AMPH: variants seen among roughly 807,000 people sequenced by gnomAD.
AMPH encodes the protein amphiphysin (Stiff-Mann syndrome with breast cancer 128kD autoantigen).
AMPH carries 49 observed loss-of-function variants against 99.1 expected under a neutral mutation model. The ratio of observed to expected loss-of-function variants is 0.49; its 90% CI spans 0.39 to 0.63. AMPH has a LOEUF of 0.63. AMPH is among the 20% of genes least tolerant of loss of function. The pLI, the probability that AMPH is intolerant of heterozygous loss-of-function variation, is 0.00. For synonymous variants in AMPH, 314 were observed against 317.3 expected (o/e 0.99, Z 0.11); for missense variants, 759 against 863.4 (o/e 0.88, Z 1.52).
intron 1 of AMPH, among the ~76,000 whole-genome samples, chr7:38,542,563 G>T (rs1390857739): frequency 1.3e-5 from 2 of 152,070 alleles, no homozygotes; most frequent in Non-Finnish European, 2.9e-5. Flanking sequence ...AGCCAGAGAG[G>T]GTTCTACATT....
chr7:38,567,079 C>T (rs1182745214), intron 1 of AMPH, among the ~76,000 whole-genome samples: 1 of 152,200 alleles, frequency 6.6e-6, no homozygotes, highest in African/African-American at 2.4e-5. Flanking sequence ...ACCATAAAGA[C>T]ATATGCACAT....
intron 2 of AMPH, among the ~76,000 whole-genome samples, chr7:38,533,202 A>T (rs920370186): frequency 1.3e-5 from 2 of 152,182 alleles, no homozygotes; most frequent in Non-Finnish European, 2.9e-5. Context: ...CTCCTAGAGG[A>T]GACTAGGAGA....
chr7:38,390,648 T>A (rs1040954902), intron 19 of AMPH, among the ~76,000 whole-genome samples: 8 of 152,148 alleles, frequency 5.3e-5, no homozygotes, highest in Admixed American at 5.2e-4. Flanking sequence ...TGGAAATGGA[T>A]TATGTTATCC....
chr7:38,488,957 A>T (rs557553195), intron 5 of AMPH, among the ~76,000 whole-genome samples: 66 of 143,724 alleles, frequency 4.6e-4, no homozygotes, highest in African/African-American at 1.6e-3. Flanking sequence ...TCCCTATCAA[A>T]ATCTTAATGG....
At chr7:38,496,010 G>A (rs377034055) in intron 3 of AMPH, among the ~76,000 whole-genome samples, 7 of 152,266 alleles carry the variant, frequency 4.6e-5, no homozygotes, top group Admixed American at 3.3e-4. Flanking sequence ...GACTCTCCCC[G>A]ACAGCCGGAA....
chr7:38,606,732 C>T (rs1346432647), intron 1 of AMPH, among the ~76,000 whole-genome samples: 1 of 151,976 alleles, frequency 6.6e-6, no homozygotes, highest in Non-Finnish European at 1.5e-5. Flanking sequence ...GCCACCACTC[C>T]TGGCTAATTT....
At chr7:38,420,257 G>A (rs1202863735) in intron 16 of AMPH, among the ~76,000 whole-genome samples, 1 of 152,166 alleles carries the variant, frequency 6.6e-6, no homozygotes, top group African/African-American at 2.4e-5. Flanking sequence ...TCTATTCCAA[G>A]ATAATGTAAA....
rs1172608040 is a variant in AMPH at position 38,525,273 on chromosome 7, TATATAGAGAGAG to T, written c.150+9646_150+9657del. Among the ~76,000 whole-genome samples the T allele has an allele frequency of 7.8e-3, 648 of 83,316 alleles. 5 individuals carry two copies. The highest frequency in any genetic ancestry group is 0.028 in the South Asian group (66 of 2,320). 54.7% of individuals were successfully genotyped at this position (83,316 alleles called of 152,430 possible). ...GTGTGTGTGTGTATATATATATATA[TATATAGAGAGAG>T]AGAGAGAGAGAGAGAGAGAGAGAGA... On this transcript the variant is annotated intron_variant, in intron 2 of 20. Coordinates refer to ENST00000356264, the MANE Select transcript of AMPH (RefSeq NM_001635.4).
intron 1 of AMPH, among the ~76,000 whole-genome samples, chr7:38,541,306 T>C (rs1300180133): frequency 5.9e-5 from 3 of 50,842 alleles, no homozygotes; most frequent in Non-Finnish European, 4.8e-5. Flanking sequence ...TAGCTGCTTG[T>C]CCTAAAGCTT....
intron 2 of AMPH, chr7:38,531,420 G>A (rs1343926975): frequency 2.0e-5 from 3 of 152,176 alleles, no homozygotes; most frequent in Non-Finnish European, 4.4e-5. Flanking sequence ...ACAAAACAAA[G>A]TATGTACAGA....
intron 11 of AMPH, among the ~76,000 whole-genome samples, chr7:38,452,605 G>A (rs1056294500): frequency 2.0e-5 from 3 of 152,136 alleles, no homozygotes; most frequent in South Asian, 2.1e-4. Context: ...AGTTTTGAAG[G>A]GAGCAGTTAT....
intron 1 of AMPH, among the ~76,000 whole-genome samples, chr7:38,605,479 G>C (rs1584296477): frequency 6.6e-6 from 1 of 152,146 alleles, no homozygotes; most frequent in Non-Finnish European, 1.5e-5. Flanking sequence ...CTGTGAAAAT[G>C]TAAGGTAGAG....
chr7:38,502,589 GC>G (rs1789178089), intron 3 of AMPH, among the ~76,000 whole-genome samples: 1 of 152,162 alleles, frequency 6.6e-6, no homozygotes, highest in Non-Finnish European at 1.5e-5. Flanking sequence ...AGGATGCTAA[GC>G]AAAAATGTTA....
chr7:38,517,771 G>T (rs1789804823), intron 2 of AMPH, among the ~76,000 whole-genome samples: 1 of 152,186 alleles, frequency 6.6e-6, no homozygotes, highest in Non-Finnish European at 1.5e-5. Flanking sequence ...TTCACAGCCT[G>T]ACTATGTAAA....
intron 1 of AMPH, among the ~76,000 whole-genome samples, chr7:38,581,810 G>C (rs1792476663): frequency 6.6e-6 from 1 of 152,164 alleles, no homozygotes; most frequent in Non-Finnish European, 1.5e-5. Context: ...CATGAAAGAA[G>C]GCCTCGAGAA....
At chr7:38,619,256 A>C (rs1387733653) in intron 1 of AMPH, among the ~76,000 whole-genome samples, 1 of 152,218 alleles carries the variant, frequency 6.6e-6, no homozygotes, top group African/African-American at 2.4e-5. Context: ...AATGGCTATA[A>C]CCGTATCAGA....
At chr7:38,608,156 G>C (rs1261295291) in intron 1 of AMPH, among the ~76,000 whole-genome samples, 1 of 152,088 alleles carries the variant, frequency 6.6e-6, no homozygotes, top group Non-Finnish European at 1.5e-5. Context: ...ATTTTCTGTG[G>C]CTCTTCTTAG....
intron 20 of AMPH, among the ~76,000 whole-genome samples, chr7:38,386,774 G>A (rs1784360363): frequency 6.6e-6 from 1 of 152,166 alleles, no homozygotes; most frequent in African/African-American, 2.4e-5. Context: ...AAAACTATTT[G>A]AAGATGCTGG....
At chr7:38,581,582 T>TA (rs1792465414) in intron 1 of AMPH, among the ~76,000 whole-genome samples, 1 of 152,148 alleles carries the variant, frequency 6.6e-6, no homozygotes, top group South Asian at 2.1e-4. Context: ...TGGGACACGA[T>TA]AGAGCCTCAC....
Sources: allele counts gnomAD v4.1 joint callset (sites outside exome capture counted in the v4.1 genomes callset), GRCh38; gene constraint gnomAD v4.1.1; transcripts MANE v1.5; gene names NCBI Gene and HGNC (gene_info 2026-07-23, HGNC 2026-07-21).